SLIT3: variants seen among roughly 807,000 people sequenced by gnomAD.
SLIT3 encodes the protein slit homolog 3 protein.
In SLIT3, 68 loss-of-function variants were observed where a neutral mutation model predicts 184.0. The ratio of observed to expected loss-of-function variants is 0.37; its 90% CI spans 0.30 to 0.45. SLIT3 has a LOEUF of 0.45. SLIT3 is among the 20% of genes least tolerant of loss of function. The pLI is 1.00. For synonymous variants in SLIT3, 831 were observed against 828.6 expected, an observed-to-expected ratio of 1.00 and a Z score of -0.05; for missense variants, 1,707 against 2,026.0, an observed-to-expected ratio of 0.84 and a Z score of 3.02.
chr5:169,114,543 G>T (rs758032790), intron 4 of SLIT3, among the ~76,000 whole-genome samples: 2 of 152,320 alleles, frequency 1.3e-5, no homozygotes, highest in Non-Finnish European at 2.9e-5. Context: ...ACTCAAGATT[G>T]CTGCAGTGGG....
chr5:168,718,720 A>ATT (rs1322975844), intron 23 of SLIT3, among the ~76,000 whole-genome samples: 1 of 137,626 alleles, frequency 7.3e-6, no homozygotes, highest in African/African-American at 3.1e-5. Flanking sequence ...ACACACACAC[A>ATT]CACACACACA....
At chr5:169,175,725 C>T (rs1581019274) in intron 4 of SLIT3, among the ~76,000 whole-genome samples, 1 of 152,180 alleles carries the variant, frequency 6.6e-6, no homozygotes, top group East Asian at 1.9e-4. Context: ...TCTGTGGCTT[C>T]CACAGACAAG....
intron 4 of SLIT3, among the ~76,000 whole-genome samples, chr5:169,044,587 T>TGGGGGGGGGAGGAGGGG (rs1757560724): frequency 1.4e-5 from 1 of 70,638 alleles, no homozygotes; most frequent in African/African-American, 4.2e-5. Context: ...TGGAGGAAGG[T>TGGGGGGGGGAGGAGGGG]GGGGGGGGGG....
intron 6 of SLIT3, among the ~76,000 whole-genome samples, chr5:168,826,623 T>C (rs1482282068): frequency 6.6e-6 from 1 of 152,220 alleles, no homozygotes; most frequent in African/African-American, 2.4e-5. Flanking sequence ...TTTCCTCCTT[T>C]GTAACATGGA....
At position 168,735,348 on chromosome 5, in the gene SLIT3, C is replaced by A. The variant is rs965093; in HGVS notation, c.2271-10864G>T. ...GTTAATGGAGAGGGAGGGAAGCCACCTTCCCAGAGACTCTGCTCCAGGCCA... is the reference window on the plus strand; with the variant it reads ...GTTAATGGAGAGGGAGGGAAGCCACATTCCCAGAGACTCTGCTCCAGGCCA... On this transcript the variant is annotated intron_variant, in intron 20 of 35. Coordinates refer to ENST00000519560, the MANE Select transcript of SLIT3 (RefSeq NM_003062.4). Among the ~76,000 whole-genome samples, 175 of 152,190 alleles carry A rather than the reference C, an allele frequency of 1.1e-3. No individual in the cohort carries two copies. The East Asian group carries it at 0.027, about 24-fold the overall frequency.
At position 168,949,077 on chromosome 5, in the gene SLIT3, A is replaced by C. The variant is rs938032888; in HGVS notation, c.414-65741T>G. Among the ~76,000 whole-genome samples the C allele has an allele frequency of 3.3e-5, 5 of 152,182 alleles. No individual in the cohort carries two copies. In the East Asian group the frequency reaches 9.6e-4, roughly 29 times the overall value. On this transcript the variant is annotated intron_variant, in intron 4 of 35. Transcript: ENST00000519560. ...TCAGAACTTCCTGGGGCATATGAGC[A>C]TCTGTATTTTTCATGAGTGTGTCTG...
chr5:168,672,707 C>T (rs918524612), intron 33 of SLIT3, among the ~76,000 whole-genome samples: 1 of 152,176 alleles, frequency 6.6e-6, no homozygotes, highest in Non-Finnish European at 1.5e-5. Context: ...CTCCTGGGCT[C>T]AAGTGATCCT....
chr5:168,819,225 G>A (rs866574810), intron 7 of SLIT3, among the ~76,000 whole-genome samples: 10 of 152,348 alleles, frequency 6.6e-5, no homozygotes, highest in African/African-American at 1.4e-4. Flanking sequence ...CTAAGCTGGT[G>A]GGAAGGACCT....
intron 2 of SLIT3, among the ~76,000 whole-genome samples, chr5:169,248,262 T>C (rs34841095): frequency 0.24 from 36,502 of 151,974 alleles, 5,371 homozygotes; most frequent in Non-Finnish European, 0.34. Context: ...AATAAGTCTT[T>C]ACTTCGCTCT....
intron 4 of SLIT3, among the ~76,000 whole-genome samples, chr5:169,033,810 A>ATTTTTTT (rs568929106): frequency 1.7e-5 from 2 of 116,146 alleles, no homozygotes; most frequent in African/African-American, 3.3e-5. Flanking sequence ...CTATTGTATG[A>ATTTTTTT]TTTTTTTTTT....
At chr5:169,287,938 G>A (rs907915863) in intron 1 of SLIT3, among the ~76,000 whole-genome samples, 13 of 152,184 alleles carry the variant, frequency 8.5e-5, no homozygotes, top group African/African-American at 3.1e-4. Context: ...TTCTCCCAGA[G>A]CAGGGTCTTC....
chr5:168,673,087 C>A, intron 33 of SLIT3, 90 bp downstream of exon 33: 1 of 1,292,576 alleles, frequency 7.7e-7, no homozygotes, highest in Non-Finnish European at 1.1e-6. Context: ...AGGAAGCCTT[C>A]CCTGATTGGC....
chr5:169,039,273 G>A (rs568870585), intron 4 of SLIT3, among the ~76,000 whole-genome samples: 6 of 151,812 alleles, frequency 4.0e-5, no homozygotes, highest in East Asian at 1.9e-4. Flanking sequence ...TTCAGGCTTC[G>A]GCATAACCAA....
intron 16 of SLIT3, among the ~76,000 whole-genome samples, chr5:168,759,868 A>T (rs1221512383): frequency 6.6e-6 from 1 of 152,042 alleles, no homozygotes; most frequent in Non-Finnish European, 1.5e-5. Flanking sequence ...GGGCCAGGAG[A>T]CATGAAGTAG....
chr5:168,670,067 C>T, intron 34 of SLIT3, 76 bp from the exon 35 acceptor site: 1 of 1,214,176 alleles, frequency 8.2e-7, no homozygotes, highest in Non-Finnish European at 1.2e-6. Context: ...GTCCACCCAG[C>T]CAGGGACCAG....
chr5:168,986,498 G>A (rs1448463366), intron 4 of SLIT3, among the ~76,000 whole-genome samples: 3 of 152,078 alleles, frequency 2.0e-5, no homozygotes, highest in East Asian at 1.9e-4. Context: ...ATTTATCAGC[G>A]AAAACATCAG....
At chr5:168,695,812 C>A (rs1762046014) in intron 28 of SLIT3, among the ~76,000 whole-genome samples, 1 of 152,140 alleles carries the variant, frequency 6.6e-6, no homozygotes, top group African/African-American at 2.4e-5. Flanking sequence ...TGTTCTCTTT[C>A]TAATGAATCC....
chr5:169,257,581 C>G (rs1766013919), intron 1 of SLIT3, among the ~76,000 whole-genome samples: 1 of 109,392 alleles, frequency 9.1e-6, no homozygotes, highest in Admixed American at 1.4e-4. Flanking sequence ...GTGTCTCCCT[C>G]TGTCACCCGG....
chr5:168,770,658 T>G (rs4990417), intron 14 of SLIT3, among the ~76,000 whole-genome samples: 63,642 of 151,048 alleles, frequency 0.42, 13,751 homozygotes, highest in East Asian at 0.61. Flanking sequence ...TTAGCATTGT[T>G]TTTTTTTTTA....
Sources: gnomAD v4.1 joint callset for allele counts (sites outside exome capture counted in the v4.1 genomes callset) on GRCh38, gnomAD v4.1.1 for gene constraint, MANE v1.5 for transcripts, NCBI Gene and HGNC (gene_info 2026-07-23, HGNC 2026-07-21) for gene names.